The following SLC25A47 variants were observed in gnomAD, a reference collection of about 807,000 sequenced individuals.
SLC25A47 encodes the protein solute carrier family 25 member 47.
Under a neutral mutation model 29.8 loss-of-function variants are expected in SLC25A47, and 30 were observed. The observed-to-expected ratio is 1.01, with a 90% CI of 0.75 to 1.36. SLC25A47 has a LOEUF of 1.36. Among genes scored for constraint, SLC25A47 ranks in the 40% most tolerant of loss-of-function variants. SLC25A47 has a pLI of 0.00. For missense variants in SLC25A47, 430 were observed against 441.9 expected (o/e 0.97, Z 0.24); for synonymous variants, 204 against 197.8 (o/e 1.03, Z -0.26).
intron 1 of SLC25A47, among the ~76,000 whole-genome samples, chr14:100,325,574 A>C (rs1332386503): frequency 6.6e-6 from 1 of 152,198 alleles, no homozygotes. Context: ...CTTGCTTGCA[A>C]AGGGTAGAAG....
chr14:100,323,602 G>T (rs1259440558), intron 1 of SLC25A47, among the ~76,000 whole-genome samples, 160 bp downstream of exon 1: 1 of 152,150 alleles, frequency 6.6e-6, no homozygotes, highest in Non-Finnish European at 1.5e-5. Flanking sequence ...GGAGGCTAAG[G>T]CTGGGTGAGG....
chr14:100,328,963 G>A lies in SLC25A47; in HGVS notation c.565G>A (p.Asp189Asn). ...YKGSSALVLR[D>N]GHSFATYFLS... ...GGGCAGCTCGGCCCTGGTCTTACGGGACGGCCACTCCTTTGCCACCTACTT... is the reference window on the plus strand; with the variant it reads ...GGGCAGCTCGGCCCTGGTCTTACGGAACGGCCACTCCTTTGCCACCTACTT... The change falls in exon 5 of 6, where the codon GAC becomes AAC. Residue 189 changes from aspartate to asparagine, a missense_variant. Coordinates refer to ENST00000361529, the MANE Select transcript of SLC25A47 (RefSeq NM_207117.4). 6.2e-7 allele frequency: 1 copy of A among 1,603,238 alleles called. No individual in the cohort carries two copies. The highest frequency in any genetic ancestry group is 1.3e-5 in the African/African-American group (1 of 75,060).
intron 4 of SLC25A47, among the ~76,000 whole-genome samples, 195 bp from the exon 5 acceptor site, chr14:100,328,531 G>A (rs1893380869): frequency 1.3e-5 from 2 of 152,274 alleles, no homozygotes; most frequent in African/African-American, 2.4e-5. Context: ...TGGCTGCCGA[G>A]GAAGCATGGG....
At position 100,327,353 on chromosome 14, in the gene SLC25A47, G is replaced by T. The variant is rs531337781; in HGVS notation, c.310G>T (p.Ala104Ser). The stretch of plus-strand genomic sequence containing the variant: ...GGCCGACATCACGCTCTCGGGATGC[G>T]CCTCCGGCCTCGTCCGCGTGAGTAG... ...TKADITLSGC[A>S]SGLVRVFLTS... Residue 104 changes from alanine to serine, a missense_variant, in exon 4 of 6, where the codon GCC (alanine) becomes TCC (serine). Ala to Ser is a moderately conservative substitution (Grantham distance 99). Transcript: ENST00000361529. 11 of 1,597,296 alleles carry T rather than the reference G, an allele frequency of 6.9e-6. No homozygotes were observed. In the South Asian group the frequency reaches 1.1e-4, roughly 16 times the overall value.
chr14:100,328,098 C>T (rs983409736), intron 4 of SLC25A47, among the ~76,000 whole-genome samples: 1 of 148,736 alleles, frequency 6.7e-6, no homozygotes, highest in Non-Finnish European at 1.5e-5. Flanking sequence ...AAGTGGCAGC[C>T]AGTATGTCTA....
chr14:100,330,053 C>A lies in SLC25A47; in HGVS notation c.*408C>A. On this transcript the variant is annotated 3_prime_UTR_variant, in exon 6 of 6. Transcript: ENST00000361529. Reference sequence around the variant, plus strand: ...TAGACCCTCACCCCCACCACTGTTCCTGTGTCTTCACGAGCTGTCCCTTAC... The same window carrying A: ...TAGACCCTCACCCCCACCACTGTTCATGTGTCTTCACGAGCTGTCCCTTAC... 4.6e-6 allele frequency: 1 copy of A among 215,670 alleles called. No homozygotes were observed. The highest frequency in any genetic ancestry group is 9.3e-6 in the Non-Finnish European group (1 of 107,180). The allele number at this position is 215,670 out of a possible 1,614,324, so 13.4% of individuals were successfully genotyped here.
intron 4 of SLC25A47, 98 bp from the exon 5 acceptor site, chr14:100,328,628 C>G: frequency 7.6e-7 from 1 of 1,322,818 alleles, no homozygotes; most frequent in Non-Finnish European, 1.1e-6. Flanking sequence ...GCCCAACCTC[C>G]TGAGGTCACC....
rs762777320 is a variant in SLC25A47, at chr14:100,328,768, C to T, written c.370C>T (p.Gln124Ter). 4 of 1,612,964 alleles carry T rather than the reference C, an allele frequency of 2.5e-6. No individual in the cohort carries two copies. Among genetic ancestry groups the T allele is most frequent in the South Asian group, 1.1e-5 (1 of 91,090 alleles). ...SPTEVAKVRL[Q>*]TQTQAQKQQR... Reference sequence around the variant, plus strand: ...CACTGAGGTGGCCAAAGTCCGCTTGCAGACGCAGACACAGGCGCAGAAGCA... The same window carrying T: ...CACTGAGGTGGCCAAAGTCCGCTTGTAGACGCAGACACAGGCGCAGAAGCA... The change falls in exon 5 of 6, where the codon CAG becomes TAG. Residue 124 changes from glutamine (Q) to a stop codon, truncating the protein, a stop_gained. Transcript: ENST00000361529. LOFTEE classifies it high-confidence loss of function.
chr14:100,326,017 C>T, intron 2 of SLC25A47, 140 bp from the exon 3 acceptor site: 1 of 965,144 alleles, frequency 1.0e-6, no homozygotes, highest in Non-Finnish European at 1.6e-6. Context: ...TCTCGTCTAA[C>T]ACAAGGCTCC....
rs1893426818 is a variant in SLC25A47 at position 100,330,218 on chromosome 14, C to T, written c.*573C>T. 1 of 155,644 alleles carries T rather than the reference C, an allele frequency of 6.4e-6. No homozygotes were observed. Among genetic ancestry groups the T allele is most frequent in the African/African-American group, 2.4e-5 (1 of 41,600 alleles). The allele number at this position is 155,644 out of a possible 1,614,324, so 9.6% of individuals were successfully genotyped here. ...GGTGCTGCCGGGACTGCCATGCCCA[C>T]CTGAGAGGGGCCTGGGGTGGCCGTC... On this transcript the variant is annotated 3_prime_UTR_variant, in exon 6 of 6. Transcript: ENST00000361529.
chr14:100,325,644 C>T (rs1893324113), intron 1 of SLC25A47, 144 bp from the exon 2 acceptor site: 3 of 734,816 alleles, frequency 4.1e-6, no homozygotes, highest in Middle Eastern at 7.6e-4. Context: ...ATTGATGAGA[C>T]CTGGTGCAGA....
intron 4 of SLC25A47, among the ~76,000 whole-genome samples, 163 bp from the exon 5 acceptor site, chr14:100,328,563 G>C (rs924146084): frequency 2.6e-5 from 4 of 152,384 alleles, no homozygotes; most frequent in African/African-American, 9.6e-5. Flanking sequence ...GGTGGGCGGA[G>C]CTGGCTTTGG....
At chr14:100,323,747 G>C (rs931507872) in intron 1 of SLC25A47, among the ~76,000 whole-genome samples, 1 of 152,118 alleles carries the variant, frequency 6.6e-6, no homozygotes, top group Non-Finnish European at 1.5e-5. Flanking sequence ...GGAGTCCTTG[G>C]TGTGGGGAGG....
chr14:100,324,730 G>A (rs1277574997), intron 1 of SLC25A47, among the ~76,000 whole-genome samples: 4 of 152,198 alleles, frequency 2.6e-5, no homozygotes, highest in Non-Finnish European at 5.9e-5. Flanking sequence ...TCAGCCCTCG[G>A]CCGTGTCCTT....
intron 5 of SLC25A47, 43 bp downstream of exon 5, chr14:100,329,087 G>A: frequency 6.3e-7 from 1 of 1,582,224 alleles, no homozygotes; most frequent in Non-Finnish European, 8.5e-7. Context: ...AGCCCAGAAG[G>A]ATGAGGAGGT....
At position 100,328,998 on chromosome 14, in the gene SLC25A47, C is replaced by T. The variant is rs758130329; in HGVS notation, c.600C>T (p.Tyr200=). The change falls in exon 5 of 6, where the codon TAC becomes TAT. Residue 200 remains tyrosine, a synonymous_variant. Transcript: ENST00000361529. ...CCTTTGCCACCTACTTCCTTTCCTA[C>T]GCGGTCCTCTGCGAGTGGCTCAGCC... The part of the protein sequence containing the change: ...GHSFATYFLS[Y]AVLCEWLSPA... 2.2e-5 allele frequency: 36 copies of T among 1,600,570 alleles called. No individual in the cohort carries two copies. The Middle Eastern group carries it at 4.9e-4, about 22-fold the overall frequency.
At position 100,326,205 on chromosome 14, in the gene SLC25A47, C is replaced by T. The variant is rs368400992; in HGVS notation, c.121C>T (p.Arg41Trp). Reference protein sequence around the residue: ...PKYTGIWHCVRDTYHRERVWG... With the variant: ...PKYTGIWHCVWDTYHRERVWG... ...GTACACAGGCATCTGGCACTGCGTC[C>T]GGGATACGTATCACCGAGAGCGCGT... The change falls in exon 3 of 6, where the codon CGG becomes TGG. Residue 41 changes from arginine to tryptophan, a missense_variant. By Grantham distance (101) the Arg-to-Trp change is moderately radical. Transcript: ENST00000361529. 18 of 1,613,786 alleles carry T rather than the reference C, an allele frequency of 1.1e-5. No individual in the cohort carries two copies. The highest frequency in any genetic ancestry group is 2.7e-5 in the African/African-American group (2 of 75,050).
chr14:100,324,728 C>T (rs551180988), intron 1 of SLC25A47, among the ~76,000 whole-genome samples: 4 of 152,190 alleles, frequency 2.6e-5, no homozygotes, highest in Admixed American at 6.5e-5. Flanking sequence ...TGTCAGCCCT[C>T]GGCCGTGTCC....
chr14:100,327,497 A>G (rs1181626205), intron 4 of SLC25A47, 127 bp downstream of exon 4: 7 of 1,101,306 alleles, frequency 6.4e-6, no homozygotes, highest in Non-Finnish European at 8.8e-6. Flanking sequence ...GCATGGAGTC[A>G]GGGGCTGTGG....
Sources: allele counts gnomAD v4.1 joint callset (sites outside exome capture counted in the v4.1 genomes callset), GRCh38; gene constraint gnomAD v4.1.1; transcripts MANE v1.5; gene names NCBI Gene and HGNC (gene_info 2026-07-23, HGNC 2026-07-21).